PALS1: variants seen among roughly 807,000 people sequenced by gnomAD.
PALS1 encodes the protein protein associated with LIN7 1, MAGUK p55 family member, also known as protein PALS1.
Under a neutral mutation model 78.9 loss-of-function variants are expected in PALS1, and 31 were observed. The observed-to-expected ratio is 0.39, with a 90% CI of 0.30 to 0.53. The LOEUF (loss-of-function observed/expected upper bound fraction) is 0.53. Ranked by LOEUF, PALS1 falls within the 20% of genes least tolerant of loss-of-function variation. The pLI is 0.67. For missense variants in PALS1, 704 were observed against 826.5 expected (o/e 0.85, Z 1.82); for synonymous variants, 276 against 270.9 (o/e 1.02, Z -0.18).
At chr14:67,265,782 G>T (rs770714095) in intron 1 of PALS1, among the ~76,000 whole-genome samples, 4 of 150,428 alleles carry the variant, frequency 2.7e-5, no homozygotes, top group Non-Finnish European at 4.4e-5. Flanking sequence ...ACTTGAACCC[G>T]GGAGGTGGCA....
intron 3 of PALS1, among the ~76,000 whole-genome samples, chr14:67,288,486 G>C (rs1055584799): frequency 6.6e-6 from 1 of 152,184 alleles, no homozygotes; most frequent in African/African-American, 2.4e-5. Flanking sequence ...GACGCCAGGA[G>C]TTATAGACTC....
At chr14:67,323,866 C>T in intron 14 of PALS1, 54 bp downstream of exon 14, 1 of 923,278 alleles carries the variant, frequency 1.1e-6, no homozygotes, top group South Asian at 1.6e-5. Flanking sequence ...TGAAACAGTC[C>T]TGGTCTAATT....
At chr14:67,290,017 C>T (rs1273394597) in intron 3 of PALS1, among the ~76,000 whole-genome samples, 1 of 152,068 alleles carries the variant, frequency 6.6e-6, no homozygotes, top group African/African-American at 2.4e-5. Context: ...CATGATCCAC[C>T]CGCCTTGGTC....
intron 10 of PALS1, 112 bp from the exon 11 acceptor site, chr14:67,317,296 C>A: frequency 2.1e-6 from 2 of 962,190 alleles, no homozygotes; most frequent in Non-Finnish European, 3.0e-6. Flanking sequence ...GATCTCGTTT[C>A]TGCAAAAAAA....
At chr14:67,323,924 A>G in intron 14 of PALS1, 112 bp downstream of exon 14, 1 of 608,042 alleles carries the variant, frequency 1.6e-6, no homozygotes, top group Non-Finnish European at 2.9e-6. Context: ...CAAACTGATT[A>G]TTTTTTCTGT....
chr14:67,331,539 G>T (rs1456377363), intron 14 of PALS1, among the ~76,000 whole-genome samples: 2 of 152,124 alleles, frequency 1.3e-5, no homozygotes, highest in Non-Finnish European at 2.9e-5. Context: ...CTATCTAGCA[G>T]TATGAACTTA....
intron 8 of PALS1, among the ~76,000 whole-genome samples, chr14:67,311,205 G>C (rs1345236902): frequency 6.6e-6 from 1 of 151,798 alleles, no homozygotes; most frequent in Non-Finnish European, 1.5e-5. Context: ...CAGCTACTCG[G>C]GAGGCTCAGA....
At chr14:67,298,178 T>A (rs2084884165) in intron 4 of PALS1, among the ~76,000 whole-genome samples, 1 of 152,160 alleles carries the variant, frequency 6.6e-6, no homozygotes. Flanking sequence ...CACTCAGAAC[T>A]AGAATGGTCA....
chr14:67,308,329 C>CT (rs1282767114), intron 8 of PALS1, among the ~76,000 whole-genome samples: 2 of 112,458 alleles, frequency 1.8e-5, no homozygotes, highest in Non-Finnish European at 3.8e-5. Flanking sequence ...TTTTTTTTTT[C>CT]TTTTTTTTCT....
chr14:67,307,204 G>A (rs778651561), intron 8 of PALS1, among the ~76,000 whole-genome samples: 3 of 152,082 alleles, frequency 2.0e-5, no homozygotes, highest in Non-Finnish European at 2.9e-5. Flanking sequence ...TCTAGGAAAT[G>A]CATACATTAT....
intron 13 of PALS1, among the ~76,000 whole-genome samples, chr14:67,323,261 G>GTGTGTGTGTATATATATA (rs1429954753): frequency 1.5e-4 from 19 of 124,190 alleles, no homozygotes; most frequent in Middle Eastern, 4.1e-3. Flanking sequence ...GTGTGTGTGT[G>GTGTGTGTGTATATATATA]TATATATATA....
intron 1 of PALS1, among the ~76,000 whole-genome samples, chr14:67,245,626 A>G (rs2083975557): frequency 6.6e-6 from 1 of 152,114 alleles, no homozygotes; most frequent in African/African-American, 2.4e-5. Context: ...TGGTGGGATA[A>G]CACGCATGAG....
chr14:67,326,460 TTC>T (rs902915252), intron 14 of PALS1, among the ~76,000 whole-genome samples: 12 of 152,036 alleles, frequency 7.9e-5, no homozygotes, highest in African/African-American at 2.7e-4. Context: ...AATTAGAACT[TTC>T]TGATTCTTTT....
chr14:67,319,438 A>G (rs1388623260), intron 11 of PALS1, among the ~76,000 whole-genome samples: 1 of 152,180 alleles, frequency 6.6e-6, no homozygotes, highest in African/African-American at 2.4e-5. Context: ...AGCATTCCAG[A>G]GTAGAGTAAA....
rs2084390693 is a variant in PALS1 at position 67,270,429 on chromosome 14, TTTC to T, written c.-154+649_-154+651del. 2.0e-5 allele frequency: 3 copies of T among 152,212 alleles called. No individual in the cohort carries two copies. In the South Asian group the frequency reaches 6.2e-4, roughly 32 times the overall value. 9.4% of individuals were successfully genotyped at this position (152,212 alleles called of 1,614,324 possible). On this transcript the variant is annotated intron_variant, in intron 2 of 14. Coordinates refer to ENST00000261681, the MANE Select transcript of PALS1 (RefSeq NM_022474.4). ...ATGTAGTCCTTTGAAGCTTTCTTTC[TTTC>T]TTATTTTTTTTTTAAACTTATAATT...
chr14:67,289,099 TG>T (rs2084733636), intron 3 of PALS1, among the ~76,000 whole-genome samples: 1 of 151,264 alleles, frequency 6.6e-6, no homozygotes, highest in Non-Finnish European at 1.5e-5. Flanking sequence ...CCCAAGTAGC[TG>T]GGACTACAGG....
intron 1 of PALS1, 97 bp from the exon 2 acceptor site, chr14:67,269,604 G>C (rs2084380606): frequency 6.6e-6 from 1 of 152,498 alleles, no homozygotes; most frequent in South Asian, 2.1e-4. Flanking sequence ...GACAGAATTG[G>C]TTATCATATT....
intron 1 of PALS1, among the ~76,000 whole-genome samples, chr14:67,255,008 G>A (rs2084124225): frequency 6.6e-6 from 1 of 152,184 alleles, no homozygotes; most frequent in South Asian, 2.1e-4. Flanking sequence ...AATTAGCTGG[G>A]TGTGGTGGCG....
At chr14:67,266,121 A>T (rs2084318424) in intron 1 of PALS1, among the ~76,000 whole-genome samples, 1 of 151,942 alleles carries the variant, frequency 6.6e-6, no homozygotes. Context: ...AACTTCTTTT[A>T]TATTGTGCCC....
Sources: gnomAD v4.1 joint callset for allele counts (sites outside exome capture counted in the v4.1 genomes callset) on GRCh38, gnomAD v4.1.1 for gene constraint, MANE v1.5 for transcripts, NCBI Gene and HGNC (gene_info 2026-07-23, HGNC 2026-07-21) for gene names.